Variants in NOX4 observed in about 807,000 individuals in gnomAD.
The protein encoded by NOX4 is kidney oxidase-1.
In NOX4, 69 loss-of-function variants were observed where a neutral mutation model predicts 87.6. The ratio of observed to expected loss-of-function variants is 0.79; its 90% CI spans 0.65 to 0.96. The LOEUF is 0.96. Ranked by LOEUF, NOX4 falls within the 40% of genes least tolerant of loss-of-function variation. The probability of loss-of-function intolerance (pLI) is 0.00; values close to 1 mark genes in which losing one functional copy is unlikely to be tolerated. For missense variants in NOX4, 680 were observed against 681.5 expected (o/e 1.00, Z 0.02); for synonymous variants, 275 against 238.2 (o/e 1.15, Z -1.42).
chr11:89,431,886 A>G (rs1372325168), intron 7 of NOX4, among the ~76,000 whole-genome samples: 1 of 152,190 alleles, frequency 6.6e-6, no homozygotes, highest in Non-Finnish European at 1.5e-5. Flanking sequence ...ATGCTGCTAT[A>G]AAGACACAGG....
At chr11:89,436,421 C>T (rs1272582752) in intron 6 of NOX4, among the ~76,000 whole-genome samples, 2 of 152,254 alleles carry the variant, frequency 1.3e-5, no homozygotes, top group East Asian at 3.9e-4. Flanking sequence ...AGTTGCTTGT[C>T]CAAGTGAAGT....
chr11:89,399,432 A>AAAAAAT (rs1290741300), intron 11 of NOX4, among the ~76,000 whole-genome samples: 6 of 75,642 alleles, frequency 7.9e-5, no homozygotes, highest in African/African-American at 3.1e-4. Context: ...CAAGAAATTA[A>AAAAAAT]ATATATATAT....
chr11:89,431,895 G>T (rs1158792268), intron 7 of NOX4, among the ~76,000 whole-genome samples: 5 of 151,944 alleles, frequency 3.3e-5, no homozygotes, highest in Non-Finnish European at 7.4e-5. Flanking sequence ...TAAAGACACA[G>T]GCACACGTAT....
intron 2 of NOX4, among the ~76,000 whole-genome samples, chr11:89,487,062 T>A (rs528204746): frequency 5.1e-4 from 77 of 152,322 alleles, no homozygotes; most frequent in Admixed American, 2.1e-3. Context: ...CTGGTAAAAA[T>A]TAATACTAAC....
At chr11:89,523,920 T>C in the NOX4 span, among the ~76,000 whole-genome samples, 5 of 152,106 alleles carry the variant, frequency 3.3e-5, no homozygotes, top group African/African-American at 1.2e-4. Context: ...AATTTAAAAA[T>C]ACAAGCTAAT....
chr11:89,343,541 T>C (rs1000466658), intron 13 of NOX4, among the ~76,000 whole-genome samples: 1 of 152,138 alleles, frequency 6.6e-6, no homozygotes, highest in African/African-American at 2.4e-5. Context: ...TAGTATTTGA[T>C]TACTTCATGA....
the NOX4 span, among the ~76,000 whole-genome samples, chr11:89,512,153 T>C: frequency 6.6e-6 from 1 of 152,054 alleles, no homozygotes. Flanking sequence ...ATATTTAATG[T>C]GTACATTTTA....
chr11:89,359,843 G>T (rs1048282803), intron 12 of NOX4, among the ~76,000 whole-genome samples: 1 of 152,018 alleles, frequency 6.6e-6, no homozygotes, highest in East Asian at 1.9e-4. Context: ...ATTTCTAAGA[G>T]AGACAGTATT....
intron 11 of NOX4, among the ~76,000 whole-genome samples, chr11:89,380,139 A>G (rs2135090587): frequency 6.6e-6 from 1 of 152,330 alleles, no homozygotes; most frequent in East Asian, 1.9e-4. Flanking sequence ...GAGAGAGACT[A>G]CCAGAGAAAT....
the NOX4 span, among the ~76,000 whole-genome samples, chr11:89,572,411 A>G: frequency 6.6e-6 from 1 of 152,200 alleles, no homozygotes; most frequent in African/African-American, 2.4e-5. Flanking sequence ...AACATTCTGT[A>G]TGATTTCAGT....
chr11:89,463,795 T>C (rs1166668674), intron 2 of NOX4, among the ~76,000 whole-genome samples: 1 of 151,988 alleles, frequency 6.6e-6, no homozygotes, highest in Admixed American at 6.6e-5. Context: ...ATAGATATAA[T>C]ACCTTCTGGA....
upstream of NOX4, chr11:89,499,325 A>G (rs1201000856): frequency 1.3e-5 from 2 of 152,178 alleles, no homozygotes; most frequent in African/African-American, 4.8e-5. Flanking sequence ...AAGTGCTCAA[A>G]ATATATTTAA....
At chr11:89,534,273 G>A in the NOX4 span, among the ~76,000 whole-genome samples, 1 of 152,228 alleles carries the variant, frequency 6.6e-6, no homozygotes, top group Non-Finnish European at 1.5e-5. Context: ...TGAAGTTTAT[G>A]AGCTGGCCTC....
intron 8 of NOX4, among the ~76,000 whole-genome samples, chr11:89,413,335 C>A (rs1942584295): frequency 6.6e-6 from 1 of 152,074 alleles, no homozygotes; most frequent in African/African-American, 2.4e-5. Context: ...TAGGTATATA[C>A]CCAAAAGAAA....
chr11:89,440,638 T>C, intron 6 of NOX4, 50 bp downstream of exon 6: 2 of 1,368,306 alleles, frequency 1.5e-6, no homozygotes, highest in Non-Finnish European at 2.0e-6. Context: ...TAATGCCTAC[T>C]TTTAAAGATG....
At chr11:89,354,454 G>T (rs961215117) in intron 13 of NOX4, among the ~76,000 whole-genome samples, 1 of 152,124 alleles carries the variant, frequency 6.6e-6, no homozygotes, top group Non-Finnish European at 1.5e-5. Flanking sequence ...ATAACAAAGC[G>T]TCAGAAGATT....
the NOX4 span, among the ~76,000 whole-genome samples, chr11:89,540,675 C>T: frequency 6.6e-6 from 1 of 151,236 alleles, no homozygotes; most frequent in Non-Finnish European, 1.5e-5. Flanking sequence ...GTAGTCCCAG[C>T]TACTCGGGAG....
chr11:89,478,262 GT>G (rs1418551152), intron 2 of NOX4, among the ~76,000 whole-genome samples: 1 of 152,040 alleles, frequency 6.6e-6, no homozygotes, highest in East Asian at 1.9e-4. Flanking sequence ...AACCTAAATT[GT>G]CATTTTTGTA....
intron 11 of NOX4, among the ~76,000 whole-genome samples, chr11:89,391,153 T>C (rs1427130541): frequency 6.6e-6 from 1 of 152,142 alleles, no homozygotes; most frequent in Non-Finnish European, 1.5e-5. Context: ...AAAGGGCTCA[T>C]GGAGCTTATG....
Sources: gnomAD v4.1 joint callset for allele counts (sites outside exome capture counted in the v4.1 genomes callset) on GRCh38, gnomAD v4.1.1 for gene constraint, MANE v1.5 for transcripts, NCBI Gene and HGNC (gene_info 2026-07-23, HGNC 2026-07-21) for gene names.